Variants in LRSAM1 observed in about 807,000 individuals in gnomAD.
The protein encoded by LRSAM1 is leucine rich repeat and sterile alpha motif containing 1.
LRSAM1 carries 96 observed loss-of-function variants against 118.1 expected under a neutral mutation model. The observed-to-expected ratio is 0.81, with a 90% CI of 0.69 to 0.96. The LOEUF (loss-of-function observed/expected upper bound fraction) is 0.96. LRSAM1 is among the 40% of genes least tolerant of loss of function. LRSAM1 has a pLI of 0.00. For synonymous variants in LRSAM1, 322 were observed against 364.2 expected (o/e 0.88, Z 1.32); for missense variants, 804 against 915.5 (o/e 0.88, Z 1.57).
chr9:127,487,931 AG>A (rs1408555762), intron 18 of LRSAM1, among the ~76,000 whole-genome samples, 168 bp downstream of exon 18: 1 of 146,812 alleles, frequency 6.8e-6, no homozygotes, highest in African/African-American at 2.5e-5. Flanking sequence ...GGAGAGGCTG[AG>A]GGGGGGCCCG....
At chr9:127,458,929 C>G in intron 6 of LRSAM1, 74 bp from the exon 7 acceptor site, 1 of 1,503,248 alleles carries the variant, frequency 6.7e-7, no homozygotes, top group Non-Finnish European at 9.2e-7. Flanking sequence ...GCCCCAGCCC[C>G]TCCTCAGCGC....
chr9:127,464,757 C>T (rs966021302), intron 9 of LRSAM1, among the ~76,000 whole-genome samples: 3 of 151,954 alleles, frequency 2.0e-5, no homozygotes, highest in African/African-American at 7.3e-5. Flanking sequence ...GATCCTCCTC[C>T]TCAGCCTCCC....
intron 23 of LRSAM1, among the ~76,000 whole-genome samples, chr9:127,496,692 G>A (rs1012422722): frequency 3.3e-5 from 5 of 152,190 alleles, no homozygotes; most frequent in African/African-American, 1.2e-4. Context: ...ACACAGCAGA[G>A]TGAGGTCTCC....
intron 17 of LRSAM1, 75 bp downstream of exon 17, chr9:127,485,910 G>A: frequency 6.8e-7 from 1 of 1,461,108 alleles, no homozygotes; most frequent in Non-Finnish European, 9.5e-7. Context: ...TGGGATGAGA[G>A]CTGGGCACTA....
intron 11 of LRSAM1, among the ~76,000 whole-genome samples, chr9:127,477,052 A>G (rs146714480): frequency 9.2e-4 from 140 of 152,354 alleles, no homozygotes; most frequent in African/African-American, 3.3e-3. Context: ...AGAATTGTTC[A>G]CTAACATTGG....
chr9:127,492,897 G>A lies in LRSAM1; in HGVS notation c.1599G>A (p.Leu533=), dbSNP rs1316186546. The change falls in exon 21 of 26, where the codon CTG becomes CTA. Residue 533 remains leucine, a splice_region_variant and synonymous_variant. Coordinates refer to ENST00000300417, the MANE Select transcript of LRSAM1 (RefSeq NM_001005373.4). ...QQREEELREI[L]TELEAKSETR... ...GAGAGGAAGAGCTCCGGGAAATCCT[G>A]GTATGTGTTTGGCTTCTGTGCTCAG... 4.3e-6 allele frequency: 7 copies of A among 1,613,724 alleles called. No homozygotes were observed. Among genetic ancestry groups the A allele is most frequent in the Non-Finnish European group, 5.1e-6 (6 of 1,179,894 alleles).
chr9:127,467,652 C>A, intron 9 of LRSAM1, 88 bp from the exon 10 acceptor site: 1 of 1,275,864 alleles, frequency 7.8e-7, no homozygotes, highest in Non-Finnish European at 1.1e-6. Context: ...GTAGAGGTGA[C>A]AGAGAACACA....
rs149769300 is a variant in LRSAM1, at chr9:127,457,372, C to T, written c.231C>T (p.Leu77=). 2.5e-5 allele frequency: 41 copies of T among 1,614,140 alleles called. No individual in the cohort carries two copies. The highest frequency in any genetic ancestry group is 6.7e-5 in the Admixed American group (4 of 60,012). ...LTSLLPKSCS[L]LSLATIKVLD... ...CCCTGCTTCCCAAATCCTGCAGCCTCCTGAGTCTGGCAACCATCAAGGTAC... is the reference window on the plus strand; with the variant it reads ...CCCTGCTTCCCAAATCCTGCAGCCTTCTGAGTCTGGCAACCATCAAGGTAC... Residue 77 remains leucine (L), a synonymous_variant, in exon 6 of 26, where the codon CTC becomes CTT. Transcript: ENST00000300417.
chr9:127,470,708 C>G (rs1375810869), intron 10 of LRSAM1, among the ~76,000 whole-genome samples: 1 of 152,072 alleles, frequency 6.6e-6, no homozygotes, highest in East Asian at 1.9e-4. Flanking sequence ...CTGCTCCTTT[C>G]AACAACCTGG....
At chr9:127,466,314 A>G (rs1208698210) in intron 9 of LRSAM1, among the ~76,000 whole-genome samples, 1 of 151,848 alleles carries the variant, frequency 6.6e-6, no homozygotes, top group Non-Finnish European at 1.5e-5. Flanking sequence ...CTCAAAAAAT[A>G]GTAATAATAA....
intron 24 of LRSAM1, among the ~76,000 whole-genome samples, chr9:127,497,743 A>G (rs1036528239): frequency 6.6e-6 from 1 of 152,188 alleles, no homozygotes; most frequent in Non-Finnish European, 1.5e-5. Context: ...TGTCCACAAC[A>G]GGCTGTGAAG....
At chr9:127,477,669 G>A (rs987171860) in intron 11 of LRSAM1, among the ~76,000 whole-genome samples, 1 of 152,068 alleles carries the variant, frequency 6.6e-6, no homozygotes, top group African/African-American at 2.4e-5. Flanking sequence ...AGGATCACTA[G>A]AGCCCAGGAG....
intron 20 of LRSAM1, 129 bp from the exon 21 acceptor site, chr9:127,492,673 C>T: frequency 2.4e-6 from 2 of 820,296 alleles, no homozygotes; most frequent in Non-Finnish European, 4.0e-6. Flanking sequence ...CTTTGTCCCC[C>T]AACGCAGCCT....
chr9:127,457,932 A>G (rs11791764), intron 6 of LRSAM1, among the ~76,000 whole-genome samples: 9,270 of 151,804 alleles, frequency 0.061, 420 homozygotes, highest in Middle Eastern at 0.11. Context: ...ATGACAAGAG[A>G]AAAGCCTGTA....
intron 10 of LRSAM1, among the ~76,000 whole-genome samples, chr9:127,471,659 T>C (rs1019907745): frequency 4.7e-5 from 7 of 150,386 alleles, no homozygotes; most frequent in African/African-American, 1.7e-4. Context: ...TGGTGATGCA[T>C]GCCTGTAATC....
intron 16 of LRSAM1, among the ~76,000 whole-genome samples, chr9:127,483,545 C>G (rs181268730): frequency 1.3e-5 from 2 of 152,028 alleles, no homozygotes; most frequent in Non-Finnish European, 2.9e-5. Flanking sequence ...GTATTAGCAT[C>G]CCATTAGCAT....
At chr9:127,481,378 G>A (rs1588122524) in intron 15 of LRSAM1, 151 bp downstream of exon 15, 2 of 761,244 alleles carry the variant, frequency 2.6e-6, no homozygotes, top group Admixed American at 2.4e-5. Context: ...TCAGCCTCCC[G>A]AGTAGCTGGG....
chr9:127,457,190 C>A (rs552743555), intron 5 of LRSAM1, 126 bp from the exon 6 acceptor site: 7 of 940,904 alleles, frequency 7.4e-6, no homozygotes, highest in East Asian at 2.6e-5. Context: ...CCCGCATCCC[C>A]GTGGTGGTGT....
Position 127,495,947 on chromosome 9 carries a change from A to G in LRSAM1, c.1699-17A>G. 1 of 1,612,008 alleles carries G rather than the reference A, an allele frequency of 6.2e-7. No individual in the cohort carries two copies. Among genetic ancestry groups the G allele is most frequent in the Admixed American group, 1.7e-5 (1 of 59,982 alleles). On this transcript the variant is annotated splice_polypyrimidine_tract_variant and intron_variant, in intron 22 of 25. Transcript: ENST00000300417. ...TTTTCTTCCTTCCTGCTCATGGTAC[A>G]CGTTTCTGTCTTGCAGGAAGAGGGG... is the stretch of plus-strand genomic sequence containing the variant.
Sources: allele counts gnomAD v4.1 joint callset (sites outside exome capture counted in the v4.1 genomes callset), GRCh38; gene constraint gnomAD v4.1.1; transcripts MANE v1.5; gene names NCBI Gene and HGNC (gene_info 2026-07-23, HGNC 2026-07-21).